Variants in SKAP1 observed in about 807,000 individuals in gnomAD.
The protein encoded by SKAP1 is src kinase associated phosphoprotein 1.
In SKAP1, 44 loss-of-function variants were observed where a neutral mutation model predicts 58.5. The ratio of observed to expected loss-of-function variants is 0.75; its 90% CI spans 0.59 to 0.97. SKAP1 has a LOEUF of 0.97. Ranked by LOEUF, SKAP1 falls within the 50% of genes least tolerant of loss-of-function variation. The pLI is 0.00. For missense variants in SKAP1, 390 were observed against 435.2 expected, an observed-to-expected ratio of 0.90 and a Z score of 0.92; for synonymous variants, 127 against 149.7, an observed-to-expected ratio of 0.85 and a Z score of 1.11.
At chr17:48,248,570 A>C (rs2065323774) in intron 4 of SKAP1, among the ~76,000 whole-genome samples, 1 of 152,216 alleles carries the variant, frequency 6.6e-6, no homozygotes. Context: ...CCGTCTCAAA[A>C]AAGAAAACAG....
chr17:48,326,499 T>C (rs1485746405), intron 4 of SKAP1, among the ~76,000 whole-genome samples: 1 of 152,198 alleles, frequency 6.6e-6, no homozygotes, highest in East Asian at 1.9e-4. Flanking sequence ...GGAACACTTT[T>C]TTCTGCAAAC....
chr17:48,435,015 G>A (rs891116438), upstream of SKAP1, among the ~76,000 whole-genome samples: 5 of 152,046 alleles, frequency 3.3e-5, no homozygotes, highest in African/African-American at 1.2e-4. Flanking sequence ...GCTGGGCATG[G>A]TGGCATAAGC....
At chr17:48,372,981 G>C (rs2067105403) in intron 2 of SKAP1, among the ~76,000 whole-genome samples, 1 of 152,108 alleles carries the variant, frequency 6.6e-6, no homozygotes, top group Non-Finnish European at 1.5e-5. Context: ...TTACACATGA[G>C]GAAACTCAAA....
chr17:48,431,355 T>C (rs1206564853), upstream of SKAP1, among the ~76,000 whole-genome samples: 1 of 151,986 alleles, frequency 6.6e-6, no homozygotes, highest in Non-Finnish European at 1.5e-5. Context: ...TGCATGTGAG[T>C]GTTTAAAGGT....
intron 4 of SKAP1, among the ~76,000 whole-genome samples, chr17:48,197,917 G>A (rs533362143): frequency 1.3e-5 from 2 of 152,216 alleles, no homozygotes; most frequent in South Asian, 4.2e-4. Context: ...TTCACTTTCC[G>A]TGGGATTTTA....
At chr17:48,414,370 T>C (rs1453177628) in intron 1 of SKAP1, among the ~76,000 whole-genome samples, 1 of 152,076 alleles carries the variant, frequency 6.6e-6, no homozygotes, top group African/African-American at 2.4e-5. Context: ...GGGAACATCA[T>C]ATGCAGAGGT....
At chr17:48,215,083 G>A (rs1360405072) in intron 4 of SKAP1, among the ~76,000 whole-genome samples, 2 of 151,916 alleles carry the variant, frequency 1.3e-5, no homozygotes, top group Admixed American at 6.6e-5. Flanking sequence ...ACTGCACCTG[G>A]CCTCTGGTTT....
At chr17:48,222,672 G>A (rs1185951503) in intron 4 of SKAP1, among the ~76,000 whole-genome samples, 3 of 151,692 alleles carry the variant, frequency 2.0e-5, no homozygotes, top group Non-Finnish European at 4.4e-5. Flanking sequence ...TAGAGATGGA[G>A]TTTCACCATG....
At chr17:48,300,547 T>C (rs2066044091) in intron 4 of SKAP1, among the ~76,000 whole-genome samples, 1 of 152,192 alleles carries the variant, frequency 6.6e-6, no homozygotes, top group Non-Finnish European at 1.5e-5. Flanking sequence ...TTCCATGGTC[T>C]GGAGGCTATA....
At position 48,266,732 on chromosome 17, in the gene SKAP1, G is replaced by A. The variant is rs190590316; in HGVS notation, c.281-77232C>T. On this transcript the variant is annotated intron_variant, in intron 4 of 12. Coordinates refer to ENST00000336915, the MANE Select transcript of SKAP1 (RefSeq NM_003726.4). Reference sequence around the variant, plus strand: ...TCACTGTGTTGGCCAGGATGGTCTCGATCTCTTGACCTCGTGATCCACCAG... The same window carrying A: ...TCACTGTGTTGGCCAGGATGGTCTCAATCTCTTGACCTCGTGATCCACCAG... Among the ~76,000 whole-genome samples, 1,000 of 151,994 alleles carry A rather than the reference G, an allele frequency of 6.6e-3. 8 individuals are homozygous for A. The highest frequency in any genetic ancestry group is 0.021 in the African/African-American group (884 of 41,466).
intron 11 of SKAP1, 23 bp from the exon 12 acceptor site, chr17:48,137,360 C>G: frequency 6.6e-7 from 1 of 1,524,060 alleles, no homozygotes; most frequent in South Asian, 1.1e-5. Context: ...AAGAGGATAG[C>G]GTCAGTTAGA....
chr17:48,435,334 C>G, the SKAP1 span, among the ~76,000 whole-genome samples: 1 of 151,882 alleles, frequency 6.6e-6, no homozygotes, highest in Non-Finnish European at 1.5e-5. Flanking sequence ...AGGTTGCTGA[C>G]TCTGACATTC....
chr17:48,399,847 G>A (rs911135308), intron 1 of SKAP1, among the ~76,000 whole-genome samples: 3 of 151,990 alleles, frequency 2.0e-5, no homozygotes, highest in East Asian at 1.9e-4. Flanking sequence ...ATAAGATAAG[G>A]ATGTCTGTTC....
At chr17:48,343,394 T>C (rs1168017191) in intron 4 of SKAP1, among the ~76,000 whole-genome samples, 1 of 152,230 alleles carries the variant, frequency 6.6e-6, no homozygotes, top group Non-Finnish European at 1.5e-5. Flanking sequence ...GAACATTTAT[T>C]GTGCCTGTTA....
At chr17:48,339,635 A>T (rs1213684418) in intron 4 of SKAP1, among the ~76,000 whole-genome samples, 1 of 152,224 alleles carries the variant, frequency 6.6e-6, no homozygotes. Context: ...CAAGTAAAGC[A>T]GCCCTAAATT....
chr17:48,134,227 G>A (rs763137760), intron 12 of SKAP1, among the ~76,000 whole-genome samples: 13 of 152,196 alleles, frequency 8.5e-5, no homozygotes, highest in South Asian at 4.1e-4. Context: ...ACAATGAACC[G>A]TATGTGCCTG....
the SKAP1 span, among the ~76,000 whole-genome samples, chr17:48,441,274 CT>C: frequency 6.6e-6 from 1 of 152,122 alleles, no homozygotes; most frequent in Non-Finnish European, 1.5e-5. Context: ...CTGGAAGGAA[CT>C]TTAGAAACCC....
intron 4 of SKAP1, among the ~76,000 whole-genome samples, chr17:48,333,958 A>C (rs1319727285): frequency 2.6e-5 from 4 of 152,040 alleles, no homozygotes; most frequent in African/African-American, 9.7e-5. Context: ...TATAGATGAA[A>C]GCATTTGCAC....
chr17:48,376,395 T>C lies in SKAP1; in HGVS notation c.153-12581A>G, dbSNP rs367692033. On this transcript the variant is annotated intron_variant, in intron 2 of 12. Coordinates refer to ENST00000336915, the MANE Select transcript of SKAP1 (RefSeq NM_003726.4). ...CACACTGTGGGGCCACCACAGTTTATCTTGTACAGAATCAGGGGCAAGTTC... is the reference window on the plus strand; with the variant it reads ...CACACTGTGGGGCCACCACAGTTTACCTTGTACAGAATCAGGGGCAAGTTC... Among the ~76,000 whole-genome samples, 9 of 152,302 alleles carry C rather than the reference T, an allele frequency of 5.9e-5. No homozygotes were observed. In the East Asian group the frequency reaches 1.7e-3, roughly 29 times the overall value.
Sources: allele counts gnomAD v4.1 joint callset (sites outside exome capture counted in the v4.1 genomes callset), GRCh38; gene constraint gnomAD v4.1.1; transcripts MANE v1.5; gene names NCBI Gene and HGNC (gene_info 2026-07-23, HGNC 2026-07-21).